The following ANKRD24 variants were observed in gnomAD, a reference collection of about 807,000 sequenced individuals.
The protein encoded by ANKRD24 is ankyrin repeat domain 24.
A neutral mutation model predicts 127.8 loss-of-function variants in ANKRD24; 109 were observed. The ratio of observed to expected loss-of-function variants is 0.85; its 90% CI spans 0.73 to 1.00. ANKRD24 has a LOEUF of 1.00. ANKRD24 is among the 50% of genes least tolerant of loss of function. The pLI, the probability that ANKRD24 is intolerant of heterozygous loss-of-function variation, is 0.00. For missense variants in ANKRD24, 1,648 were observed against 1,570.2 expected (o/e 1.05, Z -0.84); for synonymous variants, 743 against 671.1 (o/e 1.11, Z -1.66).
intron 2 of ANKRD24, among the ~76,000 whole-genome samples, chr19:4,192,285 G>C (rs1020829790): frequency 3.3e-5 from 5 of 152,112 alleles, no homozygotes; most frequent in Non-Finnish European, 5.9e-5. Context: ...GGTTTCTAGA[G>C]AGTCACAGAC....
intron 2 of ANKRD24, among the ~76,000 whole-genome samples, chr19:4,197,116 A>T (rs749288501): frequency 4.6e-5 from 7 of 152,140 alleles, no homozygotes; most frequent in Non-Finnish European, 7.3e-5. Flanking sequence ...ACTATTTATT[A>T]TGAAACCCAT....
At chr19:4,222,641 G>A (rs1269705652) in intron 19 of ANKRD24, 29 bp from the exon 20 acceptor site, 4 of 1,581,208 alleles carry the variant, frequency 2.5e-6, no homozygotes, top group African/African-American at 1.3e-5. Context: ...TGGGCTTAGG[G>A]TGATCGCTGA....
At chr19:4,219,265 G>A (rs367713724) in intron 18 of ANKRD24, among the ~76,000 whole-genome samples, 23 of 150,902 alleles carry the variant, frequency 1.5e-4, no homozygotes, top group East Asian at 8.0e-4. Flanking sequence ...CAGCCTAGGC[G>A]ACAGAGCAAG....
At chr19:4,182,849 T>A (rs910408289) in intron 1 of ANKRD24, 109 bp downstream of exon 1, 1 of 613,694 alleles carries the variant, frequency 1.6e-6, no homozygotes, top group Non-Finnish European at 2.0e-6. Flanking sequence ...ACACAGGCTA[T>A]CCATGTCCCC....
chr19:4,222,916 CA>C, intron 20 of ANKRD24, 121 bp downstream of exon 20: 1 of 1,150,336 alleles, frequency 8.7e-7, no homozygotes, highest in Non-Finnish European at 1.2e-6. Flanking sequence ...AGGTGGGGTC[CA>C]CATCACATGC....
rs145452878 is a variant in ANKRD24 at position 4,224,658 on chromosome 19, C to G, written c.*153C>G. 43 of 712,698 alleles carry G rather than the reference C, an allele frequency of 6.0e-5. No individual in the cohort carries two copies. Among genetic ancestry groups the G allele is most frequent in the Non-Finnish European group, 9.3e-5 (39 of 420,350 alleles). 44.1% of individuals were successfully genotyped at this position (712,698 alleles called of 1,614,324 possible). A position where few individuals can be genotyped will look rare whatever the true frequency, so the allele number is the denominator to read the frequency against. ...GCCTGGTTCCCTGCCCGACCACCCCCAGCTGGCTCCATCACCCCACCTGGT... is the reference window on the plus strand; with the variant it reads ...GCCTGGTTCCCTGCCCGACCACCCCGAGCTGGCTCCATCACCCCACCTGGT... On this transcript the variant is annotated 3_prime_UTR_variant, in exon 22 of 22. Coordinates refer to ENST00000318934, the MANE Select transcript of ANKRD24 (RefSeq NM_001393985.1).
At chr19:4,215,798 G>A (rs1239781282) in intron 15 of ANKRD24, among the ~76,000 whole-genome samples, 180 bp from the exon 16 acceptor site, 1 of 151,530 alleles carries the variant, frequency 6.6e-6, no homozygotes, top group Non-Finnish European at 1.5e-5. Context: ...AGTGGCACGG[G>A]GAGTGGGTGG....
At position 4,217,902 on chromosome 19, in the gene ANKRD24, G is replaced by A. The variant is rs763279339; in HGVS notation, c.2742G>A (p.Val914=). Reference sequence around the variant, plus strand: ...CCGAGGCCCTCCGCCAGTCCGTGGTGCCGGCCTCTGAGCACCGCCGGCTGC... The same window carrying A: ...CCGAGGCCCTCCGCCAGTCCGTGGTACCGGCCTCTGAGCACCGCCGGCTGC... ...EASEALRQSV[V]PASEHRRLQE... Residue 914 remains valine, a synonymous_variant, in exon 18 of 22, where the codon GTG becomes GTA. Transcript: ENST00000318934. 1 of 1,482,598 alleles carries A rather than the reference G, an allele frequency of 6.7e-7. No individual in the cohort carries two copies. Among genetic ancestry groups the A allele is most frequent in the South Asian group, 1.3e-5 (1 of 78,134 alleles). 91.8% of individuals were successfully genotyped at this position (1,482,598 alleles called of 1,614,324 possible).
At chr19:4,212,119 G>A (rs1191981762) in intron 13 of ANKRD24, among the ~76,000 whole-genome samples, 1 of 151,988 alleles carries the variant, frequency 6.6e-6, no homozygotes, top group Non-Finnish European at 1.5e-5. Flanking sequence ...AGGATGGCGT[G>A]AGCCCAAGAG....
Position 4,216,970 on chromosome 19 carries a change from G to T in ANKRD24, c.1810G>T (p.Ala604Ser). Reference sequence around the variant, plus strand: ...GGTCACAGAAACAAAACCCACAGGGGCTGAGGTCAGAGAAATGGAGACCAC... The same window carrying T: ...GGTCACAGAAACAAAACCCACAGGGTCTGAGGTCAGAGAAATGGAGACCAC... The part of the protein sequence containing the change: ...AKVTETKPTG[A>S]EVREMETTEE... The change falls in exon 18 of 22, where the codon GCT becomes TCT. Residue 604 changes from alanine (A) to serine (S), a missense_variant. Ala to Ser is a moderately conservative substitution (Grantham distance 99). Transcript: ENST00000318934. 6.2e-7 allele frequency: 1 copy of T among 1,612,846 alleles called. No individual in the cohort carries two copies.
At chr19:4,202,746 C>A (rs908385087) in intron 6 of ANKRD24, 123 bp from the exon 7 acceptor site, 94 of 987,370 alleles carry the variant, frequency 9.5e-5, no homozygotes, top group Non-Finnish European at 1.4e-4. Flanking sequence ...AAAATGGAGT[C>A]CCTTGGGGGC....
At chr19:4,194,234 C>A (rs1384539845) in intron 2 of ANKRD24, among the ~76,000 whole-genome samples, 1 of 152,140 alleles carries the variant, frequency 6.6e-6, no homozygotes, top group Non-Finnish European at 1.5e-5. Flanking sequence ...GTTACTGCAA[C>A]CTCAGCCTCC....
chr19:4,199,307 C>T lies in ANKRD24; in HGVS notation c.37-376C>T, dbSNP rs1968947227. ...TGTTGCCTAGGCTGGTCTCAAAATT[C>T]CTGGGCTCAAATGATCCTCCCACCT... On this transcript the variant is annotated intron_variant, in intron 2 of 21. Coordinates refer to ENST00000318934, the MANE Select transcript of ANKRD24 (RefSeq NM_001393985.1). The surrounding 1 kb of genome is among the most constrained non-coding windows in gnomAD (Gnocchi z 5.2). 6.6e-6 allele frequency among the ~76,000 whole-genome samples: 1 copy of T among 152,056 alleles called. No individual in the cohort carries two copies. Among genetic ancestry groups the T allele is most frequent in the Non-Finnish European group, 1.5e-5 (1 of 68,016 alleles).
intron 2 of ANKRD24, among the ~76,000 whole-genome samples, chr19:4,197,174 C>T (rs1386592515): frequency 6.6e-6 from 1 of 152,130 alleles, no homozygotes; most frequent in Non-Finnish European, 1.5e-5. Flanking sequence ...TCTGTTGGCC[C>T]TGTCATATAG....
Position 4,217,101 on chromosome 19 carries a change from A to C in ANKRD24, c.1941A>C (p.Ala647=). 1.2e-6 allele frequency: 2 copies of C among 1,613,742 alleles called. No homozygotes were observed. The highest frequency in any genetic ancestry group is 3.3e-5 in the Admixed American group (2 of 59,984). The part of the protein sequence containing the change: ...AMGVEATKTK[A]EEAEMQAYGV... ...GGGTGGAGGCCACAAAAACAAAAGC[A>C]GAGGAAGCAGAAATGCAGGCCTACG... Residue 647 remains alanine, a synonymous_variant, in exon 18 of 22, where the codon GCA becomes GCC. Coordinates refer to ENST00000318934, the MANE Select transcript of ANKRD24 (RefSeq NM_001393985.1).
At chr19:4,223,453 T>A (rs1970575067) in intron 20 of ANKRD24, among the ~76,000 whole-genome samples, 1 of 142,188 alleles carries the variant, frequency 7.0e-6, no homozygotes, top group Non-Finnish European at 1.5e-5. Context: ...CAGGCTGGAG[T>A]GCAGTGACAC....
At chr19:4,186,361 CACCTT>C in intron 1 of ANKRD24, 24 bp from the exon 2 acceptor site, 2 of 1,555,068 alleles carry the variant, frequency 1.3e-6, no homozygotes, top group Non-Finnish European at 1.7e-6. Flanking sequence ...TGGTGTCCCT[CACCTT>C]ACCCCCACCC....
At chr19:4,183,821 T>C (rs549613358) in intron 1 of ANKRD24, among the ~76,000 whole-genome samples, 25 of 152,124 alleles carry the variant, frequency 1.6e-4, no homozygotes, top group Admixed American at 1.6e-3. Flanking sequence ...GCAGGAGAAT[T>C]GCTTGAACCC....
intron 20 of ANKRD24, among the ~76,000 whole-genome samples, chr19:4,223,210 G>A (rs137913438): frequency 7.3e-4 from 110 of 151,410 alleles, no homozygotes; most frequent in African/African-American, 2.4e-3. Context: ...TGGGATTACA[G>A]GCATAAGCCA....
Sources: gnomAD v4.1 joint callset for allele counts (sites outside exome capture counted in the v4.1 genomes callset) on GRCh38, gnomAD v4.1.1 for gene constraint, Gnocchi (gnomAD v3.1) non-coding constraint, MANE v1.5 for transcripts, NCBI Gene and HGNC (gene_info 2026-07-23, HGNC 2026-07-21) for gene names.